Variants in VOPP1 observed in about 807,000 individuals in gnomAD.
VOPP1 encodes WW domain binding protein VOPP1.
In VOPP1, 8 loss-of-function variants were observed where a neutral mutation model predicts 23.5. The ratio of observed to expected loss-of-function variants is 0.34; its 90% CI spans 0.20 to 0.61. The LOEUF (loss-of-function observed/expected upper bound fraction) is 0.61, where lower values mean the gene tolerates loss of function less well. VOPP1 is among the 20% of genes least tolerant of loss of function. The pLI is 0.78. For synonymous variants in VOPP1, 83 were observed against 97.3 expected (o/e 0.85, Z 0.86); for missense variants, 174 against 238.1 (o/e 0.73, Z 1.77).
At chr7:55,510,881 C>A (rs1017324128) in intron 2 of VOPP1, among the ~76,000 whole-genome samples, 2 of 152,146 alleles carry the variant, frequency 1.3e-5, no homozygotes, top group Non-Finnish European at 2.9e-5. Context: ...CTTCAAAGAT[C>A]AGCCCTGTGA....
chr7:55,489,502 G>A (rs117704366), intron 4 of VOPP1, among the ~76,000 whole-genome samples: 1,877 of 152,166 alleles, frequency 0.012, 12 homozygotes, highest in Middle Eastern at 0.024. Flanking sequence ...TCTCTCCCTC[G>A]CACTCATGAT....
At chr7:55,499,211 G>C (rs1317074959) in intron 2 of VOPP1, among the ~76,000 whole-genome samples, 1 of 152,130 alleles carries the variant, frequency 6.6e-6, no homozygotes, top group African/African-American at 2.4e-5. Flanking sequence ...TCAGCACTTT[G>C]GGAGGCCAAG....
In VOPP1 at chr7:55,537,701, G is replaced by A. The variant is rs551520439; in HGVS notation, c.55-16571C>T. On this transcript the variant is annotated intron_variant, in intron 1 of 4. Transcript: ENST00000285279. ...TTGAGTGGTGAGAACATCTACCATG[G>A]AGGACGCTACAAGGATTCAAGAAGC... 109 of 1,446,578 alleles carry A rather than the reference G, an allele frequency of 7.5e-5. 1 individual carries two copies. In the African/African-American group the frequency reaches 1.4e-3, roughly 18 times the overall value. 89.6% of individuals were successfully genotyped at this position (1,446,578 alleles called of 1,614,324 possible).
At chr7:55,442,425 C>T (rs568306054) in intron 4 of VOPP1, among the ~76,000 whole-genome samples, 1 of 152,272 alleles carries the variant, frequency 6.6e-6, no homozygotes, top group South Asian at 2.1e-4. Context: ...AAAGTCAAAG[C>T]ATTAAATTGT....
intron 4 of VOPP1, among the ~76,000 whole-genome samples, chr7:55,450,374 T>C: frequency 6.6e-6 from 1 of 152,182 alleles, no homozygotes; most frequent in South Asian, 2.1e-4. Flanking sequence ...GAGCTGGGCA[T>C]TTCCCTATGC....
chr7:55,499,183 T>C (rs541499784), intron 2 of VOPP1, among the ~76,000 whole-genome samples: 1 of 151,942 alleles, frequency 6.6e-6, no homozygotes, highest in African/African-American at 2.4e-5. Context: ...CCGGGTGCAG[T>C]GGCTCACACC....
chr7:55,508,319 G>A (rs377749091), intron 2 of VOPP1, among the ~76,000 whole-genome samples: 147 of 152,300 alleles, frequency 9.7e-4, no homozygotes, highest in African/African-American at 3.2e-3. Context: ...CCAGGCTGGA[G>A]TGCAATGCTG....
chr7:55,527,989 GA>G (rs1796287982), intron 1 of VOPP1, among the ~76,000 whole-genome samples: 2 of 151,960 alleles, frequency 1.3e-5, no homozygotes, highest in Admixed American at 6.5e-5. Context: ...AATGCCTCAA[GA>G]AGACAATTTT....
At chr7:55,482,514 G>C (rs949322337) in intron 4 of VOPP1, among the ~76,000 whole-genome samples, 2 of 134,490 alleles carry the variant, frequency 1.5e-5, no homozygotes, top group Admixed American at 1.6e-4. Flanking sequence ...TGTATTTTTA[G>C]TAGAGATGGG....
At chr7:55,457,354 C>CTTCA (rs781130212) in intron 4 of VOPP1, among the ~76,000 whole-genome samples, 1 of 151,978 alleles carries the variant, frequency 6.6e-6, no homozygotes, top group Non-Finnish European at 1.5e-5. Context: ...CATTTTCTTT[C>CTTCA]TTCATTCATT....
intron 1 of VOPP1, among the ~76,000 whole-genome samples, chr7:55,561,626 G>A (rs529802648): frequency 2.6e-5 from 4 of 151,596 alleles, no homozygotes; most frequent in Admixed American, 1.3e-4. Context: ...GAGAGGGGGA[G>A]GCGGAGGTTG....
At chr7:55,556,575 T>C (rs188956083) in intron 1 of VOPP1, among the ~76,000 whole-genome samples, 74 of 152,098 alleles carry the variant, frequency 4.9e-4, no homozygotes, top group Non-Finnish European at 6.9e-4. Context: ...ACTTCACACA[T>C]TGGGGCTTTA....
chr7:55,452,316 C>T lies in VOPP1; in HGVS notation n.418-16142G>A, dbSNP rs117724851. ...TCGAATTATATTTCTCTTGCTATTTCCACCACATCCACAGTTATTTCCTCC... is the reference window on the plus strand; with the variant it reads ...TCGAATTATATTTCTCTTGCTATTTTCACCACATCCACAGTTATTTCCTCC... On this transcript the variant is annotated intron_variant and non_coding_transcript_variant, in intron 4 of 4. Coordinates refer to the VOPP1 transcript ENST00000462326. Among the ~76,000 whole-genome samples the T allele has an allele frequency of 2.5e-3, 378 of 152,260 alleles. 3 individuals carry two copies. The highest frequency in any genetic ancestry group is 4.7e-3 in the Non-Finnish European group (318 of 68,008).
chr7:55,546,266 G>A (rs1797363422), intron 1 of VOPP1, among the ~76,000 whole-genome samples: 1 of 152,190 alleles, frequency 6.6e-6, no homozygotes, highest in African/African-American at 2.4e-5. Context: ...GATGTAGACA[G>A]GATCTGACCC....
chr7:55,484,358 C>G (rs1020042519), intron 4 of VOPP1, among the ~76,000 whole-genome samples: 1 of 152,210 alleles, frequency 6.6e-6, no homozygotes, highest in Admixed American at 6.5e-5. Context: ...CACCCCCTTG[C>G]CAGTCTTTCT....
intron 2 of VOPP1, among the ~76,000 whole-genome samples, chr7:55,519,925 C>T (rs141031885): frequency 1.5e-3 from 223 of 152,252 alleles, no homozygotes; most frequent in Admixed American, 4.6e-3. Flanking sequence ...GATAGGAGTT[C>T]GAGACCAGCC....
intron 1 of VOPP1, among the ~76,000 whole-genome samples, chr7:55,523,432 ATCATAAG>A (rs1795993624): frequency 6.6e-6 from 1 of 152,080 alleles, no homozygotes; most frequent in Non-Finnish European, 1.5e-5. Context: ...GTGAAAGTTG[ATCATAAG>A]AACTGGGTCA....
chr7:55,537,564 C>G (rs910465759), intron 1 of VOPP1: 3 of 1,535,960 alleles, frequency 2.0e-6, no homozygotes, highest in Non-Finnish European at 2.6e-6. Flanking sequence ...CGCACCTCCT[C>G]GCCAGCCAGT....
At chr7:55,544,876 G>C (rs1797298471) in intron 1 of VOPP1, among the ~76,000 whole-genome samples, 1 of 152,206 alleles carries the variant, frequency 6.6e-6, no homozygotes, top group African/African-American at 2.4e-5. Flanking sequence ...GCAAAACGTA[G>C]TCAAAATAAT....
Sources: allele counts gnomAD v4.1 joint callset (sites outside exome capture counted in the v4.1 genomes callset), GRCh38; gene constraint gnomAD v4.1.1; transcripts MANE v1.5; gene names NCBI Gene and HGNC (gene_info 2026-07-23, HGNC 2026-07-21).